Variants in HMCN1 observed in about 807,000 individuals in gnomAD.
HMCN1 encodes hemicentin-1.
HMCN1 carries 321 observed loss-of-function variants against 625.9 expected under a neutral mutation model. The observed-to-expected ratio is 0.51, with a 90% CI of 0.47 to 0.56. The LOEUF is 0.56. Among genes scored for constraint, HMCN1 ranks in the 20% least tolerant of loss-of-function variants. The pLI, the probability that HMCN1 is intolerant of heterozygous loss-of-function variation, is 0.00. For synonymous variants in HMCN1, 2,425 were observed against 2,417.6 expected (o/e 1.00, Z -0.09); for missense variants, 6,588 against 6,887.3 (o/e 0.96, Z 1.54).
At chr1:185,972,629 C>A (rs1650911291) in intron 15 of HMCN1, among the ~76,000 whole-genome samples, 1 of 152,096 alleles carries the variant, frequency 6.6e-6, no homozygotes, top group Non-Finnish European at 1.5e-5. Flanking sequence ...TTCACAATTG[C>A]CAAATAACTT....
intron 1 of HMCN1, among the ~76,000 whole-genome samples, chr1:185,813,421 A>G (rs1196925953): frequency 6.6e-6 from 1 of 152,152 alleles, no homozygotes; most frequent in East Asian, 1.9e-4. Flanking sequence ...ATATAATTAT[A>G]CTTCTGGGAA....
At chr1:185,762,650 T>C (rs1655588216) in intron 1 of HMCN1, among the ~76,000 whole-genome samples, 1 of 152,164 alleles carries the variant, frequency 6.6e-6, no homozygotes, top group Non-Finnish European at 1.5e-5. Context: ...TAGATGAATT[T>C]CAGCAGTATT....
At chr1:186,109,286 A>C (rs954952037) in intron 71 of HMCN1, among the ~76,000 whole-genome samples, 2 of 152,206 alleles carry the variant, frequency 1.3e-5, no homozygotes, top group Admixed American at 6.5e-5. Context: ...TATGTCCCCT[A>C]ACACCTAAGA....
chr1:186,114,796 T>G (rs375215723), intron 73 of HMCN1, 23 bp from the exon 74 acceptor site: 1,045 of 1,613,856 alleles, frequency 6.5e-4, no homozygotes, highest in Non-Finnish European at 7.5e-4. Context: ...TTCAGAAGAC[T>G]TCACTTGTGA....
At chr1:185,863,472 A>G (rs1334085711) in intron 2 of HMCN1, among the ~76,000 whole-genome samples, 3 of 152,244 alleles carry the variant, frequency 2.0e-5, no homozygotes, top group African/African-American at 7.2e-5. Context: ...GAGCACTAAT[A>G]TTTCAACAGC....
rs370335841 is a variant in HMCN1, at chr1:185,889,434, C to T, written c.622-19903C>T. ...CAGTTTTTGTCCATTCAGTATGATA[C>T]TGGCTGTGGGTTTGTCATAGATAGC... is the stretch of plus-strand genomic sequence containing the variant. On this transcript the variant is annotated intron_variant, in intron 4 of 106. Transcript: ENST00000271588. 2.6e-3 allele frequency among the ~76,000 whole-genome samples: 366 copies of T among 141,166 alleles called. 1 individual carries two copies. The highest frequency in any genetic ancestry group is 0.011 in the African/African-American group (343 of 31,062). 92.6% of individuals were successfully genotyped at this position (141,166 alleles called of 152,430 possible).
intron 28 of HMCN1, among the ~76,000 whole-genome samples, chr1:186,003,506 C>T (rs900297934): frequency 5.3e-5 from 8 of 152,034 alleles, no homozygotes; most frequent in Non-Finnish European, 1.0e-4. Context: ...AGGTAATTGT[C>T]TTGCTAGCAA....
intron 1 of HMCN1, among the ~76,000 whole-genome samples, chr1:185,839,806 T>C (rs1357220316): frequency 6.6e-6 from 1 of 152,236 alleles, no homozygotes; most frequent in Non-Finnish European, 1.5e-5. Context: ...ATTATACATA[T>C]ACTATGTGCA....
At chr1:185,923,797 C>T (rs762689576) in intron 8 of HMCN1, 144 bp downstream of exon 8, 53 of 711,260 alleles carry the variant, frequency 7.5e-5, no homozygotes, top group African/African-American at 2.5e-4. Context: ...TTTACATGTA[C>T]GGTAACACAG....
chr1:185,737,287 T>A (rs1245566969), intron 1 of HMCN1, among the ~76,000 whole-genome samples: 1 of 152,072 alleles, frequency 6.6e-6, no homozygotes, highest in African/African-American at 2.4e-5. Context: ...CCCGAGTAGC[T>A]GGGACAACAG....
At chr1:185,923,696 A>G in intron 8 of HMCN1, 43 bp downstream of exon 8, 1 of 1,510,730 alleles carries the variant, frequency 6.6e-7, no homozygotes, top group Non-Finnish European at 9.1e-7. Context: ...TGACAGTTTA[A>G]GAGGGTGATG....
intron 1 of HMCN1, among the ~76,000 whole-genome samples, chr1:185,809,722 T>A (rs1395757631): frequency 6.6e-6 from 1 of 151,974 alleles, no homozygotes; most frequent in Non-Finnish European, 1.5e-5. Flanking sequence ...ATATATGGGA[T>A]CAGTCAGGGA....
chr1:186,123,318 A>G, intron 81 of HMCN1, 98 bp downstream of exon 81: 1 of 1,416,016 alleles, frequency 7.1e-7, no homozygotes, highest in East Asian at 2.5e-5. Flanking sequence ...AAAACCCTTA[A>G]ACTCAGTAAT....
chr1:186,059,453 A>C (rs1434219796), intron 46 of HMCN1, among the ~76,000 whole-genome samples: 1 of 152,020 alleles, frequency 6.6e-6, no homozygotes, highest in Non-Finnish European at 1.5e-5. Flanking sequence ...AATTTACAGA[A>C]GTGGTGTTTT....
chr1:185,994,884 G>T lies in HMCN1; in HGVS notation c.3575G>T (p.Cys1192Phe). The T allele has an allele frequency of 6.2e-7, 1 of 1,613,770 alleles. No homozygotes were observed. Among genetic ancestry groups the T allele is most frequent in the Non-Finnish European group, 8.5e-7 (1 of 1,179,772 alleles). ...VQVGQRVDIP[C>F]NAQGTPLPVI... The stretch of plus-strand genomic sequence containing the variant: ...GTTGGTCAAAGAGTGGATATTCCAT[G>T]TAATGCTCAAGGGACTCCTCTTCCT... The change falls in exon 24 of 107, where the codon TGT becomes TTT. Residue 1192 changes from cysteine (C) to phenylalanine (F), a missense_variant. Cys to Phe is a radical substitution (Grantham distance 205). This residue lies in a region of HMCN1 where 4,628 missense variants were observed against 4,853.1 expected (regional missense o/e 0.95). Coordinates refer to ENST00000271588, the MANE Select transcript of HMCN1 (RefSeq NM_031935.3).
chr1:185,996,737 G>A (rs1256542674), intron 24 of HMCN1, among the ~76,000 whole-genome samples: 1 of 152,124 alleles, frequency 6.6e-6, no homozygotes, highest in Non-Finnish European at 1.5e-5. Context: ...GATTGGATAT[G>A]AGAGTGAAGG....
At chr1:185,984,575 C>G (rs1460867130) in intron 19 of HMCN1, among the ~76,000 whole-genome samples, 2 of 152,110 alleles carry the variant, frequency 1.3e-5, no homozygotes, top group East Asian at 3.9e-4. Context: ...TAAAAGTGAC[C>G]TTGGCTCTCA....
rs750155072 is a variant in HMCN1 at position 185,990,366 on chromosome 1, A to G, written c.3300A>G (p.Pro1100=). The change falls in exon 22 of 107, where the codon CCA becomes CCG. Residue 1100 remains proline (P), a synonymous_variant. Transcript: ENST00000271588. ...TTGCAGGGGAAGAGGTAACACTTCC[A>G]TGTGAAGTGAAGAGCTTACCTCCAC... ...SVLAGEEVTL[P]CEVKSLPPPI... The G allele has an allele frequency of 5.6e-6, 9 of 1,612,456 alleles. No individual in the cohort carries two copies. The highest frequency in any genetic ancestry group is 4.4e-5 in the South Asian group (4 of 91,040).
intron 21 of HMCN1, 126 bp downstream of exon 21, chr1:185,989,773 T>A (rs989784627): frequency 1.7e-5 from 2 of 115,212 alleles, no homozygotes; most frequent in Non-Finnish European, 3.0e-5. Flanking sequence ...CAGATTTCTA[T>A]TTTTTTTTTT....
Sources: gnomAD v4.1 joint callset for allele counts (sites outside exome capture counted in the v4.1 genomes callset) on GRCh38, gnomAD v4.1.1 for gene constraint, gnomAD v4.1.1 regional missense constraint, MANE v1.5 for transcripts, NCBI Gene and HGNC (gene_info 2026-07-23, HGNC 2026-07-21) for gene names.